The following PTPRT variants were observed in gnomAD, a reference collection of about 807,000 sequenced individuals.
The protein encoded by PTPRT is receptor-type tyrosine-protein phosphatase T.
Under a neutral mutation model 176.8 loss-of-function variants are expected in PTPRT, and 56 were observed. That is an observed-to-expected ratio of 0.32 (90% CI 0.26 to 0.40). The LOEUF (loss-of-function observed/expected upper bound fraction) is 0.40. PTPRT is among the 10% of genes least tolerant of loss of function. The pLI is 1.00. For synonymous variants in PTPRT, 783 were observed against 739.0 expected (o/e 1.06, Z -0.96); for missense variants, 1,540 against 1,908.2 (o/e 0.81, Z 3.60).
At chr20:42,362,038 T>C (rs2058438043) in intron 9 of PTPRT, among the ~76,000 whole-genome samples, 1 of 152,146 alleles carries the variant, frequency 6.6e-6, no homozygotes, top group African/African-American at 2.4e-5. Context: ...ATGTCAACAA[T>C]ACCAGTAATG....
intron 1 of PTPRT, among the ~76,000 whole-genome samples, chr20:42,974,750 A>G (rs1753943570): frequency 6.6e-6 from 1 of 152,262 alleles, no homozygotes; most frequent in Non-Finnish European, 1.5e-5. Context: ...CACAAAAGGA[A>G]ACATACTTCT....
intron 2 of PTPRT, among the ~76,000 whole-genome samples, chr20:42,858,462 C>T (rs750127289): frequency 3.3e-5 from 5 of 152,116 alleles, no homozygotes; most frequent in African/African-American, 7.2e-5. Context: ...TATGTTGAAA[C>T]GCTAACCGCC....
chr20:42,104,557 A>C lies in PTPRT; in HGVS notation c.3540+12T>G. 6.2e-7 allele frequency: 1 copy of C among 1,608,796 alleles called. No individual in the cohort carries two copies. The highest frequency in any genetic ancestry group is 8.5e-7 in the Non-Finnish European group (1 of 1,175,898). On this transcript the variant is annotated intron_variant, in intron 25 of 30. Coordinates refer to ENST00000373187, the MANE Select transcript of PTPRT (RefSeq NM_007050.6). ...GACTAAGATGGTCACCGAGCCTGGG[A>C]TTTGCTCATACCTGAAATTCATCTT... is the stretch of plus-strand genomic sequence containing the variant.
chr20:42,163,213 C>T (rs969446613), intron 16 of PTPRT, among the ~76,000 whole-genome samples: 1 of 152,096 alleles, frequency 6.6e-6, no homozygotes, highest in African/African-American at 2.4e-5. Context: ...GTGGGGTCAT[C>T]GTAGGCAGAG....
At chr20:42,874,281 C>T (rs970600044) in intron 2 of PTPRT, among the ~76,000 whole-genome samples, 1 of 152,120 alleles carries the variant, frequency 6.6e-6, no homozygotes, top group Non-Finnish European at 1.5e-5. Context: ...TGTGATGCTT[C>T]CTTTTCAAAG....
At chr20:42,714,158 G>A (rs896702583) in intron 6 of PTPRT, among the ~76,000 whole-genome samples, 16 of 152,118 alleles carry the variant, frequency 1.1e-4, no homozygotes, top group African/African-American at 3.6e-4. Flanking sequence ...GGTTCAAAAA[G>A]AGCTATGGGA....
chr20:42,872,219 T>C (rs930395034), intron 2 of PTPRT, among the ~76,000 whole-genome samples: 2 of 152,244 alleles, frequency 1.3e-5, no homozygotes, highest in African/African-American at 2.4e-5. Flanking sequence ...CAGAGCACAG[T>C]GTCAAAACTA....
At chr20:43,177,856 G>A (rs2015156947) in intron 1 of PTPRT, among the ~76,000 whole-genome samples, 2 of 152,200 alleles carry the variant, frequency 1.3e-5, no homozygotes, top group South Asian at 4.1e-4. Flanking sequence ...TCTAAAGGCA[G>A]CAGTAACTTT....
At chr20:43,016,698 CAGTT>C (rs1985392086) in intron 1 of PTPRT, among the ~76,000 whole-genome samples, 1 of 151,622 alleles carries the variant, frequency 6.6e-6, no homozygotes, top group Non-Finnish European at 1.5e-5. Flanking sequence ...TCACCACACC[CAGTT>C]AGTTTTTGTA....
At chr20:42,057,650 G>A in the PTPRT span, among the ~76,000 whole-genome samples, 1 of 152,174 alleles carries the variant, frequency 6.6e-6, no homozygotes, top group South Asian at 2.1e-4. Flanking sequence ...ATGTAGTGGT[G>A]CAATTATAGC....
chr20:43,133,302 A>G (rs2013704799), intron 1 of PTPRT, among the ~76,000 whole-genome samples: 1 of 152,212 alleles, frequency 6.6e-6, no homozygotes, highest in Non-Finnish European at 1.5e-5. Context: ...TAAAGACTAC[A>G]TTTCAGGGTA....
chr20:42,901,702 C>T (rs1348143434), intron 1 of PTPRT, among the ~76,000 whole-genome samples: 1 of 152,146 alleles, frequency 6.6e-6, no homozygotes, highest in East Asian at 1.9e-4. Flanking sequence ...CCATGGGCTG[C>T]TTCATGCCCC....
intron 1 of PTPRT, among the ~76,000 whole-genome samples, chr20:43,168,183 T>G (rs954533756): frequency 6.6e-6 from 1 of 152,170 alleles, no homozygotes; most frequent in Non-Finnish European, 1.5e-5. Flanking sequence ...AGATTAGAGG[T>G]TGATTTCTTC....
chr20:42,505,514 C>G (rs1405910070), intron 7 of PTPRT, among the ~76,000 whole-genome samples: 1 of 152,020 alleles, frequency 6.6e-6, no homozygotes, highest in African/African-American at 2.4e-5. Context: ...GTTGGTCAGG[C>G]TGGTTTTGAA....
intron 7 of PTPRT, among the ~76,000 whole-genome samples, chr20:42,585,901 T>C (rs2073462511): frequency 6.6e-6 from 1 of 152,136 alleles, no homozygotes; most frequent in African/African-American, 2.4e-5. Context: ...CTGTAACATA[T>C]TGACATATAT....
At chr20:42,814,439 A>T (rs1215925034) in intron 2 of PTPRT, among the ~76,000 whole-genome samples, 1 of 152,212 alleles carries the variant, frequency 6.6e-6, no homozygotes, top group Non-Finnish European at 1.5e-5. Context: ...TAAGTTAGAT[A>T]ATATATGTAA....
intron 2 of PTPRT, among the ~76,000 whole-genome samples, chr20:42,876,436 TGA>T: frequency 6.6e-6 from 1 of 152,154 alleles, no homozygotes; most frequent in Non-Finnish European, 1.5e-5. Context: ...CACACATTCA[TGA>T]GAGTGTGCCA....
chr20:42,969,532 T>C (rs1235069139), intron 1 of PTPRT: 2 of 152,168 alleles, frequency 1.3e-5, no homozygotes, highest in African/African-American at 4.8e-5. Context: ...CTATGAACTA[T>C]GGAATGTGCT....
chr20:43,020,407 C>T (rs206150), intron 1 of PTPRT, among the ~76,000 whole-genome samples: 88,850 of 151,796 alleles, frequency 0.59, 29,546 homozygotes, highest in South Asian at 0.75. Flanking sequence ...GAGGCACAGA[C>T]GGCAACAGTG....
Sources: allele counts gnomAD v4.1 joint callset (sites outside exome capture counted in the v4.1 genomes callset), GRCh38; gene constraint gnomAD v4.1.1; transcripts MANE v1.5; gene names NCBI Gene and HGNC (gene_info 2026-07-23, HGNC 2026-07-21).